PTPRM: variants seen among roughly 807,000 people sequenced by gnomAD.
PTPRM encodes the protein receptor-type tyrosine-protein phosphatase mu.
A neutral mutation model predicts 186.7 loss-of-function variants in PTPRM; 47 were observed. That is an observed-to-expected ratio of 0.25 (90% CI 0.20 to 0.32). The LOEUF is 0.32. PTPRM is among the 10% of genes least tolerant of loss of function. The pLI, the probability that PTPRM is intolerant of heterozygous loss-of-function variation, is 1.00. For synonymous variants in PTPRM, 668 were observed against 674.9 expected, an observed-to-expected ratio of 0.99 and a Z score of 0.16; for missense variants, 1,494 against 1,865.0, an observed-to-expected ratio of 0.80 and a Z score of 3.66.
At chr18:7,824,387 G>C (rs1567874303) in intron 2 of PTPRM, among the ~76,000 whole-genome samples, 1 of 152,234 alleles carries the variant, frequency 6.6e-6, no homozygotes, top group East Asian at 1.9e-4. Context: ...GCACCAGGCA[G>C]CCCAAGAGCA....
At chr18:8,237,411 G>C (rs1246847934) in intron 14 of PTPRM, among the ~76,000 whole-genome samples, 1 of 141,544 alleles carries the variant, frequency 7.1e-6, no homozygotes, top group Non-Finnish European at 1.5e-5. Context: ...AGGCAGATCT[G>C]CTGGCAACTG....
At chr18:7,609,520 CTTT>C (rs11444902) in intron 1 of PTPRM, among the ~76,000 whole-genome samples, 8 of 139,324 alleles carry the variant, frequency 5.7e-5, no homozygotes, top group Non-Finnish European at 7.8e-5. Context: ...TGCCTGTCTC[CTTT>C]TTTTTTTTTT....
chr18:8,282,236 G>A (rs939882341), intron 19 of PTPRM, among the ~76,000 whole-genome samples: 1 of 152,130 alleles, frequency 6.6e-6, no homozygotes. Flanking sequence ...CATCATATTA[G>A]AGCAGCCAAA....
chr18:7,778,395 C>T (rs1009943834), intron 2 of PTPRM, among the ~76,000 whole-genome samples: 13 of 152,214 alleles, frequency 8.5e-5, no homozygotes, highest in African/African-American at 3.1e-4. Flanking sequence ...TCTCTGTTAT[C>T]AGTGAGTGAG....
chr18:7,758,215 G>GT (rs2041601110), intron 1 of PTPRM, among the ~76,000 whole-genome samples: 1 of 152,208 alleles, frequency 6.6e-6, no homozygotes, highest in Non-Finnish European at 1.5e-5. Flanking sequence ...ATACGCATTT[G>GT]TCCTAGGGAG....
At chr18:7,988,803 T>C (rs1168793254) in intron 7 of PTPRM, among the ~76,000 whole-genome samples, 2 of 152,190 alleles carry the variant, frequency 1.3e-5, no homozygotes, top group East Asian at 3.8e-4. Flanking sequence ...TTGTTTATTC[T>C]TTCACCTGTT....
chr18:8,302,726 C>T (rs1030995003), intron 20 of PTPRM, among the ~76,000 whole-genome samples: 3 of 151,854 alleles, frequency 2.0e-5, no homozygotes, highest in African/African-American at 2.4e-5. Flanking sequence ...CCTGCGTTTC[C>T]GACTTACTGG....
At chr18:7,846,177 G>C (rs1432572318) in intron 2 of PTPRM, among the ~76,000 whole-genome samples, 2 of 152,154 alleles carry the variant, frequency 1.3e-5, no homozygotes, top group Non-Finnish European at 2.9e-5. Context: ...TTAAAGCAGA[G>C]GAGGGATGTA....
At chr18:8,308,610 A>T (rs965372718) in intron 20 of PTPRM, among the ~76,000 whole-genome samples, 1 of 152,170 alleles carries the variant, frequency 6.6e-6, no homozygotes, top group African/African-American at 2.4e-5. Flanking sequence ...AAATATTCCA[A>T]ATTTGATGTG....
intron 14 of PTPRM, among the ~76,000 whole-genome samples, chr18:8,184,995 C>G (rs2146629342): frequency 6.6e-6 from 1 of 152,254 alleles, no homozygotes; most frequent in South Asian, 2.1e-4. Flanking sequence ...CAAGTATAAT[C>G]TAACTATCTT....
At chr18:7,986,047 C>T (rs1479735857) in intron 7 of PTPRM, among the ~76,000 whole-genome samples, 1 of 152,066 alleles carries the variant, frequency 6.6e-6, no homozygotes. Context: ...AAACCTTTGT[C>T]TCAAAATTAT....
chr18:7,730,242 T>C (rs2040630746), intron 1 of PTPRM, among the ~76,000 whole-genome samples: 1 of 152,206 alleles, frequency 6.6e-6, no homozygotes, highest in African/African-American at 2.4e-5. Context: ...AGCTATGTCA[T>C]GTTCACTTTT....
At chr18:8,359,771 A>C (rs921249963) in intron 23 of PTPRM, among the ~76,000 whole-genome samples, 5 of 152,222 alleles carry the variant, frequency 3.3e-5, no homozygotes, top group Non-Finnish European at 5.9e-5. Context: ...GTTTCCCGGC[A>C]CCATCATTGG....
At chr18:7,891,283 C>T (rs915543427) in intron 3 of PTPRM, among the ~76,000 whole-genome samples, 9 of 151,470 alleles carry the variant, frequency 5.9e-5, no homozygotes, top group Non-Finnish European at 4.4e-5. Flanking sequence ...GAGACCTTGC[C>T]TCAAGAAAAA....
At chr18:7,601,930 A>G (rs2037413104) in intron 1 of PTPRM, among the ~76,000 whole-genome samples, 1 of 152,226 alleles carries the variant, frequency 6.6e-6, no homozygotes, top group South Asian at 2.1e-4. Context: ...AGAGAATAAT[A>G]ATAACTACAG....
At chr18:8,054,458 T>C (rs929845605) in intron 7 of PTPRM, among the ~76,000 whole-genome samples, 2 of 151,450 alleles carry the variant, frequency 1.3e-5, no homozygotes, top group Non-Finnish European at 2.9e-5. Context: ...CTGAAATAAC[T>C]TTTTTTCTTT....
chr18:7,882,039 A>G (rs138111238), intron 2 of PTPRM, among the ~76,000 whole-genome samples: 13 of 152,176 alleles, frequency 8.5e-5, no homozygotes, highest in Non-Finnish European at 1.5e-4. Flanking sequence ...CAAGGATGCT[A>G]TATTGTTTAC....
chr18:8,080,825 G>C (rs1040897994), intron 9 of PTPRM, among the ~76,000 whole-genome samples: 1 of 152,190 alleles, frequency 6.6e-6, no homozygotes, highest in African/African-American at 2.4e-5. Flanking sequence ...ATATGAAATT[G>C]TCTCTTCGCC....
intron 2 of PTPRM, among the ~76,000 whole-genome samples, chr18:7,856,743 C>CAAA (rs5822986): frequency 0.17 from 23,989 of 140,438 alleles, 3,048 homozygotes; most frequent in African/African-American, 0.34. Context: ...GACCCTGTCT[C>CAAA]AAAAAAAAAA....
Sources: gnomAD v4.1 joint callset for allele counts (sites outside exome capture counted in the v4.1 genomes callset) on GRCh38, gnomAD v4.1.1 for gene constraint, MANE v1.5 for transcripts, NCBI Gene and HGNC (gene_info 2026-07-23, HGNC 2026-07-21) for gene names.